PLCB1: variants seen among roughly 807,000 people sequenced by gnomAD.
The protein encoded by PLCB1 is 1-phosphatidylinositol 4,5-bisphosphate phosphodiesterase beta-1.
A neutral mutation model predicts 161.8 loss-of-function variants in PLCB1; 46 were observed. That is an observed-to-expected ratio of 0.28 (90% CI 0.22 to 0.36). The LOEUF is 0.36. Ranked by LOEUF, PLCB1 falls within the 10% of genes least tolerant of loss-of-function variation. The pLI, the probability that PLCB1 is intolerant of heterozygous loss-of-function variation, is 1.00. For synonymous variants in PLCB1, 517 were observed against 503.7 expected, an observed-to-expected ratio of 1.03 and a Z score of -0.35; for missense variants, 1,016 against 1,472.5, an observed-to-expected ratio of 0.69 and a Z score of 5.07.
chr20:8,518,054 C>T (rs763763657), intron 3 of PLCB1, among the ~76,000 whole-genome samples: 5 of 152,080 alleles, frequency 3.3e-5, no homozygotes, highest in East Asian at 3.9e-4. Context: ...TGGTGGCATG[C>T]GCCTGTAGTC....
intron 3 of PLCB1, among the ~76,000 whole-genome samples, chr20:8,529,146 T>C (rs889891298): frequency 3.9e-5 from 6 of 152,096 alleles, no homozygotes; most frequent in African/African-American, 1.4e-4. Flanking sequence ...ATGAATCATT[T>C]TGAATTATGC....
At chr20:8,629,970 CTTTCT>C (rs1568536273) in intron 4 of PLCB1, among the ~76,000 whole-genome samples, 434 of 21,358 alleles carry the variant, frequency 0.02, 7 homozygotes, top group African/African-American at 0.054. Flanking sequence ...TTTCTTCTTT[CTTTCT>C]TTCTTTCTTT....
intron 3 of PLCB1, among the ~76,000 whole-genome samples, chr20:8,465,133 T>C (rs768394649): frequency 4.6e-5 from 7 of 152,244 alleles, no homozygotes; most frequent in African/African-American, 9.6e-5. Context: ...CTTATTCATG[T>C]TGACTTGTTA....
At chr20:8,690,837 A>G (rs986186413) in intron 10 of PLCB1, among the ~76,000 whole-genome samples, 1 of 152,200 alleles carries the variant, frequency 6.6e-6, no homozygotes, top group Non-Finnish European at 1.5e-5. Context: ...CTTGGCCTGT[A>G]CTCAGGAATG....
intron 3 of PLCB1, among the ~76,000 whole-genome samples, chr20:8,492,428 A>G (rs1380474807): frequency 6.6e-6 from 1 of 152,040 alleles, no homozygotes; most frequent in East Asian, 1.9e-4. Flanking sequence ...TGCATCAGAG[A>G]AAGTTTTATG....
At chr20:8,388,373 A>G (rs113056918) in intron 3 of PLCB1, among the ~76,000 whole-genome samples, 2,216 of 152,322 alleles carry the variant, frequency 0.015, 27 homozygotes, top group Non-Finnish European at 0.024. Context: ...ATCATCCATG[A>G]GGCCTGGAGT....
intron 14 of PLCB1, among the ~76,000 whole-genome samples, chr20:8,719,698 T>C (rs1979520758): frequency 6.6e-6 from 1 of 152,184 alleles, no homozygotes; most frequent in Non-Finnish European, 1.5e-5. Flanking sequence ...AGATTGGTTA[T>C]ATTTTGTTTC....
intron 3 of PLCB1, among the ~76,000 whole-genome samples, chr20:8,548,561 C>G (rs1482733606): frequency 6.6e-6 from 1 of 151,290 alleles, no homozygotes; most frequent in African/African-American, 2.4e-5. Context: ...CTTCTATTAT[C>G]TACTATCTAT....
chr20:8,573,524 C>A (rs1259319562), intron 3 of PLCB1, among the ~76,000 whole-genome samples: 1 of 152,196 alleles, frequency 6.6e-6, no homozygotes, highest in African/African-American at 2.4e-5. Context: ...AGTATATACA[C>A]ATACCTCTGT....
At chr20:8,154,135 T>C (rs1309382567) in intron 2 of PLCB1, among the ~76,000 whole-genome samples, 1 of 152,182 alleles carries the variant, frequency 6.6e-6, no homozygotes, top group African/African-American at 2.4e-5. Context: ...ATTTTTATAC[T>C]AAGTCACATC....
intron 2 of PLCB1, among the ~76,000 whole-genome samples, chr20:8,310,578 AATC>A (rs1408387126): frequency 6.6e-6 from 1 of 152,148 alleles, no homozygotes; most frequent in Admixed American, 6.6e-5. Context: ...ATGGTCCATT[AATC>A]ATCATTTATC....
intron 1 of PLCB1, among the ~76,000 whole-genome samples, chr20:8,138,244 A>G (rs772226368): frequency 8.5e-5 from 13 of 152,260 alleles, no homozygotes. Flanking sequence ...TTAGCCTATC[A>G]GTAAATAGCT....
intron 2 of PLCB1, among the ~76,000 whole-genome samples, chr20:8,271,264 C>T (rs1029972819): frequency 6.6e-6 from 1 of 152,070 alleles, no homozygotes; most frequent in African/African-American, 2.4e-5. Context: ...AGTCTAACCT[C>T]ATCTTCTTTT....
At chr20:8,289,955 G>GT (rs1266323913) in intron 2 of PLCB1, among the ~76,000 whole-genome samples, 2 of 152,168 alleles carry the variant, frequency 1.3e-5, no homozygotes, top group African/African-American at 4.8e-5. Context: ...TTCATCTTTT[G>GT]TAATATTTCA....
chr20:8,696,933 C>T (rs1990597500), intron 10 of PLCB1, among the ~76,000 whole-genome samples: 1 of 152,132 alleles, frequency 6.6e-6, no homozygotes. Context: ...TGGGGTTTCA[C>T]CATGTTAGCC....
chr20:8,437,013 C>T lies in PLCB1; in HGVS notation c.246+65563C>T, dbSNP rs1458243429. 3.3e-5 allele frequency among the ~76,000 whole-genome samples: 5 copies of T among 152,118 alleles called. No homozygotes were observed. The South Asian group carries it at 1.0e-3, about 32-fold the overall frequency. ...CCATATTGGCCAGGCTGGTCTCAAA[C>T]TCCTAACCTCAAGTGATCCACCCAC... On this transcript the variant is annotated intron_variant, in intron 3 of 31. Coordinates refer to ENST00000338037, the MANE Select transcript of PLCB1 (RefSeq NM_015192.4).
chr20:8,187,279 C>A (rs1276745583), intron 2 of PLCB1, among the ~76,000 whole-genome samples: 10 of 152,146 alleles, frequency 6.6e-5, no homozygotes, highest in Admixed American at 3.9e-4. Flanking sequence ...TCACCTCCCC[C>A]AGTCCCACCC....
intron 3 of PLCB1, among the ~76,000 whole-genome samples, chr20:8,537,491 C>A (rs535126048): frequency 2.2e-4 from 33 of 152,120 alleles, no homozygotes; most frequent in African/African-American, 3.4e-4. Context: ...CTGGTGCTGG[C>A]TGTGACCAAT....
In PLCB1 at chr20:8,576,995, C is replaced by T. The variant is rs118052439; in HGVS notation, c.247-51299C>T. ...GAGAGCTGACCTTAATCCTGTAGAG[C>T]CAGGTCATGAAAAGGGAGTAGAGAA... On this transcript the variant is annotated intron_variant, in intron 3 of 31. Transcript: ENST00000338037. Among the ~76,000 whole-genome samples the T allele has an allele frequency of 4.7e-3, 718 of 151,940 alleles. 2 individuals carry two copies. The highest frequency in any genetic ancestry group is 8.0e-3 in the Non-Finnish European group (543 of 67,994).
Sources: allele counts gnomAD v4.1 joint callset (sites outside exome capture counted in the v4.1 genomes callset), GRCh38; gene constraint gnomAD v4.1.1; transcripts MANE v1.5; gene names NCBI Gene and HGNC (gene_info 2026-07-23, HGNC 2026-07-21).